The following CCDC85C variants were observed in gnomAD, a reference collection of about 807,000 sequenced individuals.
The protein encoded by CCDC85C is coiled-coil domain-containing protein 85C.
In CCDC85C, 18 loss-of-function variants were observed where a neutral mutation model predicts 38.3. The observed-to-expected ratio is 0.47, with a 90% CI of 0.33 to 0.70. CCDC85C has a LOEUF of 0.70. Ranked by LOEUF, CCDC85C falls within the 30% of genes least tolerant of loss-of-function variation. The probability of loss-of-function intolerance (pLI) is 0.03; values close to 1 mark genes in which losing one functional copy is unlikely to be tolerated. For missense variants in CCDC85C, 566 were observed against 621.2 expected (o/e 0.91, Z 0.94); for synonymous variants, 264 against 293.8 (o/e 0.90, Z 1.04).
rs552936011 is a variant in CCDC85C at position 99,567,137 on chromosome 14, C to T, written c.794-31049G>A. 2.0e-4 allele frequency among the ~76,000 whole-genome samples: 20 copies of T among 98,554 alleles called. No individual in the cohort carries two copies. The East Asian group carries it at 4.5e-3, about 22-fold the overall frequency. The allele number at this position is 98,554 out of a possible 152,430, so 64.7% of individuals were successfully genotyped here. ...GCTTCCTCATGTGTGAGATGGGAAG[C>T]GGTCCCTCCCGATTCTCATCTGCGC... is the stretch of plus-strand genomic sequence containing the variant. On this transcript the variant is annotated intron_variant, in intron 1 of 5. Transcript: ENST00000380243.
At chr14:99,578,526 T>TGA (rs1005542113) in intron 1 of CCDC85C, among the ~76,000 whole-genome samples, 3 of 152,192 alleles carry the variant, frequency 2.0e-5, no homozygotes, top group African/African-American at 7.2e-5. Context: ...TGTGTGTGTG[T>TGA]GACTGTGCAC....
rs545234014 is a variant in CCDC85C, at chr14:99,562,119, C to T, written c.794-26031G>A. Among the ~76,000 whole-genome samples, 193 of 152,274 alleles carry T rather than the reference C, an allele frequency of 1.3e-3. 1 individual carries two copies. The highest frequency in any genetic ancestry group is 8.1e-4 in the Non-Finnish European group (55 of 68,004). On this transcript the variant is annotated intron_variant, in intron 1 of 5. Coordinates refer to ENST00000380243, the MANE Select transcript of CCDC85C (RefSeq NM_001144995.2). ...GACATGATGATGTCATCATGGCCCA[C>T]GTCTTCTGGGAAAAGGCCACCCTTC...
chr14:99,527,104 G>A (rs1027784371), intron 2 of CCDC85C, among the ~76,000 whole-genome samples: 4 of 152,244 alleles, frequency 2.6e-5, no homozygotes, highest in African/African-American at 7.2e-5. Context: ...TTGACCCCAC[G>A]GGAACTGCAC....
At chr14:99,553,359 T>A (rs1347358436) in intron 1 of CCDC85C, among the ~76,000 whole-genome samples, 2 of 32,920 alleles carry the variant, frequency 6.1e-5, no homozygotes, top group Admixed American at 3.5e-4. Flanking sequence ...CCCTGTGTGG[T>A]TTTTTTTTTG....
At position 99,524,387 on chromosome 14, in the gene CCDC85C, C is replaced by T. The variant is rs369324480; in HGVS notation, c.868-2147G>A. On this transcript the variant is annotated intron_variant, in intron 2 of 5. Coordinates refer to ENST00000380243, the MANE Select transcript of CCDC85C (RefSeq NM_001144995.2). ...TGGCCCTCGACCAAATGGGCTCCCA[C>T]GTGCTGTTACCGAAAACGCAGGTTT... is the stretch of plus-strand genomic sequence containing the variant. 2.0e-3 allele frequency among the ~76,000 whole-genome samples: 310 copies of T among 152,088 alleles called. 2 individuals carry two copies. Among genetic ancestry groups the T allele is most frequent in the African/African-American group, 7.0e-3 (292 of 41,496 alleles).
At position 99,572,995 on chromosome 14, in the gene CCDC85C, C is replaced by T; in HGVS notation, c.793+30172G>A. The T allele has an allele frequency of 5.4e-6, 2 of 368,352 alleles. No homozygotes were observed. The highest frequency in any genetic ancestry group is 1.1e-5 in the Non-Finnish European group (2 of 186,878). The allele number at this position is 368,352 out of a possible 1,614,324, so 22.8% of individuals were successfully genotyped here. A position where few individuals can be genotyped will look rare whatever the true frequency, so the allele number is the denominator to read the frequency against. The stretch of plus-strand genomic sequence containing the variant: ...GGCAGCAGCCTCAGAGCAGAAGGCA[C>T]CCTGGTGACCGCAGGAGACGCCACA... On this transcript the variant is annotated intron_variant, in intron 1 of 5. Transcript: ENST00000380243. This position sits in a 1 kb window ranked among gnomAD's most constrained non-coding sequence, Gnocchi z 4.4.
intron 1 of CCDC85C, among the ~76,000 whole-genome samples, chr14:99,600,590 G>A (rs539996434): frequency 6.6e-6 from 1 of 152,332 alleles, no homozygotes; most frequent in East Asian, 1.9e-4. Context: ...AACACGAGAT[G>A]ATCATGGCAG....
At chr14:99,593,663 C>G (rs1595108135) in intron 1 of CCDC85C, among the ~76,000 whole-genome samples, 1 of 152,346 alleles carries the variant, frequency 6.6e-6, no homozygotes, top group South Asian at 2.1e-4. Context: ...GAACTGACAC[C>G]AGTCTCCCAA....
At chr14:99,536,562 G>A (rs995545022) in intron 1 of CCDC85C, among the ~76,000 whole-genome samples, 19 of 152,228 alleles carry the variant, frequency 1.2e-4, no homozygotes, top group African/African-American at 3.9e-4. Context: ...TGGGGAAACA[G>A]ACTCCTGAAC....
chr14:99,571,362 A>AATAATAATAATAATG (rs1183926730), intron 1 of CCDC85C, among the ~76,000 whole-genome samples: 2 of 151,910 alleles, frequency 1.3e-5, no homozygotes, highest in African/African-American at 4.8e-5. Flanking sequence ...TAATAATAAT[A>AATAATAATAATAATG]ATAATAATGG....
intron 1 of CCDC85C, among the ~76,000 whole-genome samples, chr14:99,575,279 C>A (rs1292049498): frequency 2.6e-5 from 4 of 152,194 alleles, no homozygotes; most frequent in Admixed American, 2.6e-4. Flanking sequence ...AGTGCCAAGG[C>A]CCTCAGGAAC....
chr14:99,518,726 C>T (rs1162918639), intron 3 of CCDC85C, among the ~76,000 whole-genome samples: 1 of 152,164 alleles, frequency 6.6e-6, no homozygotes, highest in Non-Finnish European at 1.5e-5. Flanking sequence ...GCACCAGGCC[C>T]CTGGGCTGCC....
intron 2 of CCDC85C, among the ~76,000 whole-genome samples, chr14:99,527,448 G>A (rs989194409): frequency 8.5e-5 from 13 of 152,184 alleles, no homozygotes; most frequent in South Asian, 2.1e-4. Context: ...GTCTCAGGAC[G>A]GGGAGAAGGG....
At chr14:99,591,174 CGTT>C (rs2055081731) in intron 1 of CCDC85C, among the ~76,000 whole-genome samples, 1 of 152,232 alleles carries the variant, frequency 6.6e-6, no homozygotes, top group Non-Finnish European at 1.5e-5. Flanking sequence ...TTAAAAGCCA[CGTT>C]CTTTGTTTTC....
intron 1 of CCDC85C, among the ~76,000 whole-genome samples, chr14:99,593,034 C>G (rs1015006907): frequency 1.3e-5 from 2 of 152,174 alleles, no homozygotes; most frequent in Non-Finnish European, 2.9e-5. Flanking sequence ...ATTAAGCAGC[C>G]GGGAAACAGA....
In CCDC85C at chr14:99,510,402, G is replaced by A. The variant is rs1217663367; in HGVS notation, c.*4844C>T. Reference sequence around the variant, plus strand: ...CCTGCAGTCCATGATGAAGACCGAGGGACCCTCCTACGGTGCCCTGCCCCC... The same window carrying A: ...CCTGCAGTCCATGATGAAGACCGAGAGACCCTCCTACGGTGCCCTGCCCCC... On this transcript the variant is annotated 3_prime_UTR_variant, in exon 6 of 6. Transcript: ENST00000380243. 17 of 1,560,120 alleles carry A rather than the reference G, an allele frequency of 1.1e-5. No homozygotes were observed. The East Asian group carries it at 2.4e-4, about 22-fold the overall frequency.
At chr14:99,581,204 A>T (rs1180185643) in intron 1 of CCDC85C, among the ~76,000 whole-genome samples, 1 of 152,202 alleles carries the variant, frequency 6.6e-6, no homozygotes, top group Admixed American at 6.5e-5. Context: ...TACCCTGGCA[A>T]AGGCCACACC....
At chr14:99,575,994 T>C (rs996158965) in intron 1 of CCDC85C, among the ~76,000 whole-genome samples, 1 of 152,172 alleles carries the variant, frequency 6.6e-6, no homozygotes, top group African/African-American at 2.4e-5. Context: ...TTCCAGAAAC[T>C]GAGCTGCAAC....
rs1896792705 is a variant in CCDC85C at position 99,500,299 on chromosome 14, CAT to C, written c.*14945_*14946del. 1 of 181,804 alleles carries C rather than the reference CAT, an allele frequency of 5.5e-6. No homozygotes were observed. Among genetic ancestry groups the C allele is most frequent in the Non-Finnish European group, 1.2e-5 (1 of 86,836 alleles). The allele number at this position is 181,804 out of a possible 1,614,324, so 11.3% of individuals were successfully genotyped here. On this transcript the variant is annotated 3_prime_UTR_variant, in exon 6 of 6. Transcript: ENST00000380243. Reference sequence around the variant, plus strand: ...GTGTACATGAGTATATATACACACACATACACACACACTGGTACAATTTATCT... The same window carrying C: ...GTGTACATGAGTATATATACACACACACACACACACTGGTACAATTTATCT...
Sources: gnomAD v4.1 joint callset for allele counts (sites outside exome capture counted in the v4.1 genomes callset) on GRCh38, gnomAD v4.1.1 for gene constraint, Gnocchi (gnomAD v3.1) non-coding constraint, MANE v1.5 for transcripts, NCBI Gene and HGNC (gene_info 2026-07-23, HGNC 2026-07-21) for gene names.